Variants in ARNT observed in about 807,000 individuals in gnomAD.
ARNT encodes the protein class E basic helix-loop-helix protein 2.
A neutral mutation model predicts 105.0 loss-of-function variants in ARNT; 30 were observed. The ratio of observed to expected loss-of-function variants is 0.29; its 90% confidence interval spans 0.21 to 0.39. The LOEUF (loss-of-function observed/expected upper bound fraction) is 0.39. Among genes scored for constraint, ARNT ranks in the 10% least tolerant of loss-of-function variants. ARNT has a pLI of 1.00. For missense variants in ARNT, 748 were observed against 978.7 expected, an observed-to-expected ratio of 0.76 and a Z score of 3.15; for synonymous variants, 304 against 344.0, an observed-to-expected ratio of 0.88 and a Z score of 1.29.
chr1:150,873,424 T>C (rs1667787308), intron 1 of ARNT, among the ~76,000 whole-genome samples: 1 of 151,930 alleles, frequency 6.6e-6, no homozygotes, highest in Non-Finnish European at 1.5e-5. Context: ...TGAAAAATGA[T>C]AGAATATGAA....
chr1:150,830,128 G>A (rs1022859374), intron 10 of ARNT, 148 bp from the exon 11 acceptor site: 1 of 793,448 alleles, frequency 1.3e-6, no homozygotes, highest in East Asian at 2.7e-5. Flanking sequence ...GGAAGCCAAG[G>A]TGGGCGGATC....
At position 150,849,160 on chromosome 1, in the gene ARNT, A is replaced by G. The variant is rs1388268453; in HGVS notation, c.183-2853T>C. The stretch of plus-strand genomic sequence containing the variant: ...AGAGGTTGCGGTGAGCCGAGATCAT[A>G]CCATTGCACTCCAGCCTGGGCAACA... On this transcript the variant is annotated intron_variant, in intron 3 of 21. Coordinates refer to ENST00000358595, the MANE Select transcript of ARNT (RefSeq NM_001668.4). Among the ~76,000 whole-genome samples, 3 of 152,130 alleles carry G rather than the reference A, an allele frequency of 2.0e-5. No homozygotes were observed. The East Asian group carries it at 5.8e-4, about 29-fold the overall frequency.
chr1:150,827,458 T>C (rs905838158), intron 12 of ARNT, among the ~76,000 whole-genome samples: 18 of 152,230 alleles, frequency 1.2e-4, no homozygotes, highest in African/African-American at 4.3e-4. Flanking sequence ...GCTTCTTTCA[T>C]TGAGCATGGT....
chr1:150,837,689 T>G (rs1660564984), intron 6 of ARNT, among the ~76,000 whole-genome samples: 1 of 152,122 alleles, frequency 6.6e-6, no homozygotes, highest in African/African-American at 2.4e-5. Flanking sequence ...GAAACCATAT[T>G]CACTCTTCCC....
rs117582234 is a variant in ARNT, at chr1:150,854,387, G to A, written c.138-1581C>T. ...AGCCTGGGCAACACGGTGAAATCCC[G>A]TCTCTACAAAACATACAAAAACTAA... On this transcript the variant is annotated intron_variant, in intron 2 of 21. Transcript: ENST00000358595. 7.1e-4 allele frequency among the ~76,000 whole-genome samples: 94 copies of A among 132,540 alleles called. No homozygotes were observed. The East Asian group carries it at 0.015, about 21-fold the overall frequency. 87.0% of individuals were successfully genotyped at this position (132,540 alleles called of 152,430 possible).
At chr1:150,866,897 T>C (rs1289742915) in intron 1 of ARNT, among the ~76,000 whole-genome samples, 4 of 152,062 alleles carry the variant, frequency 2.6e-5, no homozygotes, top group South Asian at 2.1e-4. Context: ...CATACATATA[T>C]AGGATGTTAA....
chr1:150,866,424 T>C (rs939839960), intron 1 of ARNT, among the ~76,000 whole-genome samples: 11 of 152,220 alleles, frequency 7.2e-5, no homozygotes, highest in African/African-American at 2.7e-4. Context: ...AATTTCAGCA[T>C]AATGGGCCTT....
At chr1:150,830,183 T>C in intron 10 of ARNT, 3 of 509,438 alleles carry the variant, frequency 5.9e-6, no homozygotes, top group Non-Finnish European at 1.0e-5. Flanking sequence ...CCATCTCTAC[T>C]AAAAATACAA....
intron 1 of ARNT, among the ~76,000 whole-genome samples, chr1:150,870,956 C>T (rs930639922): frequency 2.6e-5 from 4 of 151,768 alleles, no homozygotes; most frequent in African/African-American, 7.3e-5. Flanking sequence ...TGCTTGAGCC[C>T]AGGAGTTTGA....
At chr1:150,833,071 C>T (rs1408660927) in intron 8 of ARNT, among the ~76,000 whole-genome samples, 2 of 152,150 alleles carry the variant, frequency 1.3e-5, no homozygotes, top group Non-Finnish European at 1.5e-5. Context: ...TTAACATTAT[C>T]GCCAATGTGA....
chr1:150,813,954 C>A lies in ARNT; in HGVS notation c.2113+123G>T, dbSNP rs587598437. 3.9e-6 allele frequency: 5 copies of A among 1,297,898 alleles called. No individual in the cohort carries two copies. In the East Asian group the frequency reaches 1.2e-4, roughly 30 times the overall value. The allele number at this position is 1,297,898 out of a possible 1,614,324, so 80.4% of individuals were successfully genotyped here. On this transcript the variant is annotated intron_variant, in intron 20 of 21. Transcript: ENST00000358595. ...AGGTTTTAAATTCTAAATAGATTGTCACCTTGCATTTCCCTACAATCAGGT... is the reference window on the plus strand; with the variant it reads ...AGGTTTTAAATTCTAAATAGATTGTAACCTTGCATTTCCCTACAATCAGGT...
intron 2 of ARNT, among the ~76,000 whole-genome samples, chr1:150,854,669 C>A (rs1188318249): frequency 2.0e-5 from 3 of 151,866 alleles, no homozygotes; most frequent in African/African-American, 7.3e-5. Context: ...CCAGCCCAGT[C>A]AACATGGTGA....
In ARNT at chr1:150,811,895, G is replaced by A. The variant is rs905920076; in HGVS notation, c.*126C>T. 7.2e-6 allele frequency: 4 copies of A among 553,794 alleles called. No homozygotes were observed. Among genetic ancestry groups the A allele is most frequent in the Admixed American group, 8.4e-5 (2 of 23,754 alleles). The allele number at this position is 553,794 out of a possible 1,614,324, so 34.3% of individuals were successfully genotyped here. On this transcript the variant is annotated 3_prime_UTR_variant, in exon 22 of 22. Transcript: ENST00000358595. The stretch of plus-strand genomic sequence containing the variant: ...GCAGGGGAACAGCCAGAAGGGAAAG[G>A]GGGTACATGTCAGGGGTGAGGGAAG...
chr1:150,815,863 C>CAA lies in ARNT; in HGVS notation c.1950+394_1950+395dup, dbSNP rs35003478. Among the ~76,000 whole-genome samples the CAA allele has an allele frequency of 3.6e-3, 438 of 121,550 alleles. 5 individuals carry two copies. The highest frequency in any genetic ancestry group is 4.1e-3 in the Middle Eastern group (1 of 244). The allele number at this position is 121,550 out of a possible 152,430, so 79.7% of individuals were successfully genotyped here. A position where few individuals can be genotyped will look rare whatever the true frequency, so the allele number is the denominator to read the frequency against. On this transcript the variant is annotated intron_variant, in intron 19 of 21. Coordinates refer to ENST00000358595, the MANE Select transcript of ARNT (RefSeq NM_001668.4). ...TGGGCGACAGAGCAAGACTCTGTCT[C>CAA]AAAAAAAAAAAAAAAAAGAATTTTT...
intron 4 of ARNT, among the ~76,000 whole-genome samples, chr1:150,845,318 A>G (rs1327386068): frequency 6.6e-6 from 1 of 152,100 alleles, no homozygotes; most frequent in African/African-American, 2.4e-5. Flanking sequence ...ATAAAATAAT[A>G]GGCCAGGCAC....
chr1:150,823,075 C>G (rs774133350), intron 14 of ARNT, 119 bp downstream of exon 14: 13 of 1,064,142 alleles, frequency 1.2e-5, no homozygotes, highest in African/African-American at 3.2e-5. Flanking sequence ...TGCCACCACG[C>G]CCGGCTAAAT....
intron 2 of ARNT, among the ~76,000 whole-genome samples, chr1:150,855,610 T>G (rs917312441): frequency 3.9e-5 from 6 of 151,934 alleles, no homozygotes; most frequent in Non-Finnish European, 5.9e-5. Flanking sequence ...GTAACAATAT[T>G]TTTTTAAAGG....
chr1:150,830,075 T>C (rs1449795394), intron 10 of ARNT, 95 bp from the exon 11 acceptor site: 1 of 1,405,190 alleles, frequency 7.1e-7, no homozygotes, highest in Non-Finnish European at 9.9e-7. Flanking sequence ...GACCTATTTA[T>C]GGGCCAGGCA....
At chr1:150,815,565 A>AT (rs1385498515) in intron 19 of ARNT, among the ~76,000 whole-genome samples, 1 of 148,312 alleles carries the variant, frequency 6.7e-6, no homozygotes, top group Non-Finnish European at 1.5e-5. Context: ...AAAAAAAAAA[A>AT]AAAGAATTTT....
Sources: gnomAD v4.1 joint callset for allele counts (sites outside exome capture counted in the v4.1 genomes callset) on GRCh38, gnomAD v4.1.1 for gene constraint, MANE v1.5 for transcripts, NCBI Gene and HGNC (gene_info 2026-07-23, HGNC 2026-07-21) for gene names.